The following NFIX variants were observed in gnomAD, a reference collection of about 807,000 sequenced individuals.
The protein encoded by NFIX is nuclear factor I X, also known as nuclear factor 1 X-type.
NFIX carries 2 observed loss-of-function variants against 53.3 expected under a neutral mutation model. The ratio of observed to expected loss-of-function variants is 0.04; its 90% confidence interval spans 0.02 to 0.12. NFIX has a LOEUF of 0.12. NFIX is among the 10% of genes least tolerant of loss of function. The pLI is 1.00. For missense variants in NFIX, 310 were observed against 674.5 expected (o/e 0.46, Z 5.99); for synonymous variants, 244 against 289.0 (o/e 0.84, Z 1.58).
At chr19:13,092,578 A>G (rs893821042) in intron 10 of NFIX, among the ~76,000 whole-genome samples, 1 of 152,146 alleles carries the variant, frequency 6.6e-6, no homozygotes, top group Non-Finnish European at 1.5e-5. Flanking sequence ...TCCCTGTCCT[A>G]TTGTCCACAA....
Position 13,028,210 on chromosome 19 carries a change from G to A in NFIX, c.559+2658G>A, listed in dbSNP as rs779823099. On this transcript the variant is annotated intron_variant, in intron 2 of 10. Transcript: ENST00000592199. This position sits in a 1 kb window ranked among gnomAD's most constrained non-coding sequence, Gnocchi z 4.2. ...CTTTCTCCATGCCCATGCCTGCCAGGCACACTCAGCAGAGCTGCCACTTGC... is the reference window on the plus strand; with the variant it reads ...CTTTCTCCATGCCCATGCCTGCCAGACACACTCAGCAGAGCTGCCACTTGC... Among the ~76,000 whole-genome samples, 47 of 152,248 alleles carry A rather than the reference G, an allele frequency of 3.1e-4. No homozygotes were observed. The highest frequency in any genetic ancestry group is 5.7e-4 in the Non-Finnish European group (39 of 68,048).
In NFIX at chr19:13,066,183, G is replaced by A. The variant is rs1368909883; in HGVS notation, c.560-6864G>A. On this transcript the variant is annotated intron_variant, in intron 2 of 10. Coordinates refer to ENST00000592199, the MANE Select transcript of NFIX (RefSeq NM_001365902.3). This position sits in a 1 kb window ranked among gnomAD's most constrained non-coding sequence, Gnocchi z 4.2. ...CCTCGCTTCCCGAAGCCTTACTGCCGAGCTGTGAGTCCTGTAGTAGCCAGG... is the reference window on the plus strand; with the variant it reads ...CCTCGCTTCCCGAAGCCTTACTGCCAAGCTGTGAGTCCTGTAGTAGCCAGG... Among the ~76,000 whole-genome samples the A allele has an allele frequency of 2.0e-5, 3 of 152,166 alleles. No homozygotes were observed. The highest frequency in any genetic ancestry group is 1.9e-4 in the East Asian group (1 of 5,200).
intron 2 of NFIX, among the ~76,000 whole-genome samples, chr19:13,039,888 G>C (rs1453903898): frequency 6.6e-6 from 1 of 152,124 alleles, no homozygotes. Context: ...GCCCATCCTT[G>C]AGATGATGTA....
At position 13,080,748 on chromosome 19, in the gene NFIX, C is replaced by T. The variant is rs139222910; in HGVS notation, c.1079-932C>T. ...GGGCGCGGTGTCTCACGCCTGTAAT[C>T]CCAGCACTTTGGGAGGCTGAGGTGG... On this transcript the variant is annotated intron_variant, in intron 7 of 10. Coordinates refer to ENST00000592199, the MANE Select transcript of NFIX (RefSeq NM_001365902.3). Among the ~76,000 whole-genome samples, 207 of 152,178 alleles carry T rather than the reference C, an allele frequency of 1.4e-3. 5 individuals are homozygous for T. Among genetic ancestry groups the T allele is most frequent in the Admixed American group, 0.013 (194 of 15,292 alleles).
chr19:13,063,721 TCTC>T (rs758524016), intron 2 of NFIX, among the ~76,000 whole-genome samples: 1 of 152,294 alleles, frequency 6.6e-6, no homozygotes, highest in Non-Finnish European at 1.5e-5. Flanking sequence ...CTTCCTGCCT[TCTC>T]GCATCCCTCC....
At chr19:13,065,196 C>T (rs979116001) in intron 2 of NFIX, among the ~76,000 whole-genome samples, 3 of 152,136 alleles carry the variant, frequency 2.0e-5, no homozygotes, top group Non-Finnish European at 4.4e-5. Flanking sequence ...TGTGTTGTAC[C>T]CCCTCAGTGG....
rs955023693 is a variant in NFIX, at chr19:13,011,026, C to T, written c.28-13995C>T. On this transcript the variant is annotated intron_variant, in intron 1 of 10. Coordinates refer to ENST00000592199, the MANE Select transcript of NFIX (RefSeq NM_001365902.3). This position sits in a 1 kb window ranked among gnomAD's most constrained non-coding sequence, Gnocchi z 6.5. Reference sequence around the variant, plus strand: ...TTTTATATGTAAGAACCGCTCCCCCCTCTTCCCGCTCCACGTTTGTACTTG... The same window carrying T: ...TTTTATATGTAAGAACCGCTCCCCCTTCTTCCCGCTCCACGTTTGTACTTG... Among the ~76,000 whole-genome samples, 1 of 152,220 alleles carries T rather than the reference C, an allele frequency of 6.6e-6. No homozygotes were observed. Among genetic ancestry groups the T allele is most frequent in the Non-Finnish European group, 1.5e-5 (1 of 68,036 alleles).
At chr19:13,004,022 G>A (rs191516214) in intron 1 of NFIX, among the ~76,000 whole-genome samples, 68 of 152,082 alleles carry the variant, frequency 4.5e-4, no homozygotes, top group Admixed American at 1.0e-3. Flanking sequence ...TGATCCTCCC[G>A]CCTCGGCCTC....
At position 13,028,821 on chromosome 19, in the gene NFIX, A is replaced by G. The variant is rs571589785; in HGVS notation, c.559+3269A>G. Among the ~76,000 whole-genome samples the G allele has an allele frequency of 6.6e-6, 1 of 152,270 alleles. No homozygotes were observed. Among genetic ancestry groups the G allele is most frequent in the South Asian group, 2.1e-4 (1 of 4,818 alleles). ...AGAGAGATCTCTGCTTGTGTGAGAA[A>G]GGATGGCCGAGCTGGCCTAGAACCG... is the stretch of plus-strand genomic sequence containing the variant. On this transcript the variant is annotated intron_variant, in intron 2 of 10. Coordinates refer to ENST00000592199, the MANE Select transcript of NFIX (RefSeq NM_001365902.3). This position sits in a 1 kb window ranked among gnomAD's most constrained non-coding sequence, Gnocchi z 4.2.
chr19:13,024,623 T>C, intron 1 of NFIX: 1 of 1,536,226 alleles, frequency 6.5e-7, no homozygotes. Flanking sequence ...AGTTCACGGC[T>C]GCGATAGAAC....
chr19:13,065,407 A>G (rs2016339182), intron 2 of NFIX, among the ~76,000 whole-genome samples: 1 of 152,158 alleles, frequency 6.6e-6, no homozygotes, highest in Non-Finnish European at 1.5e-5. Flanking sequence ...CACCCCAGAC[A>G]GTGCTGCTGC....
At chr19:13,057,462 C>G (rs1009425447) in intron 2 of NFIX, among the ~76,000 whole-genome samples, 5 of 152,202 alleles carry the variant, frequency 3.3e-5, no homozygotes, top group Admixed American at 3.3e-4. Flanking sequence ...GCGAGGAGCC[C>G]TACGAGCTGC....
rs941395040 is a variant in NFIX at position 13,067,844 on chromosome 19, G to A, written c.560-5203G>A. On this transcript the variant is annotated intron_variant, in intron 2 of 10. Transcript: ENST00000592199. This position sits in a 1 kb window ranked among gnomAD's most constrained non-coding sequence, Gnocchi z 4.2. ...CATGCATCCGGGCACGGTGGCTCAC[G>A]CCTGTAATCCCAGCACTTTGGGAGG... 2.0e-5 allele frequency among the ~76,000 whole-genome samples: 3 copies of A among 151,974 alleles called. No homozygotes were observed. The highest frequency in any genetic ancestry group is 4.4e-5 in the Non-Finnish European group (3 of 68,002).
intron 1 of NFIX, among the ~76,000 whole-genome samples, chr19:13,023,307 T>C (rs1212297112): frequency 6.7e-6 from 1 of 149,718 alleles, no homozygotes; most frequent in Non-Finnish European, 1.5e-5. Context: ...CCTCGATCTC[T>C]CCCTCCCCCC....
At position 13,094,652 on chromosome 19, in the gene NFIX, A is replaced by C; in HGVS notation, c.*3A>C. 6.5e-7 allele frequency: 1 copy of C among 1,536,200 alleles called. No individual in the cohort carries two copies. Among genetic ancestry groups the C allele is most frequent in the Non-Finnish European group, 8.7e-7 (1 of 1,146,830 alleles). On this transcript the variant is annotated 3_prime_UTR_variant, in exon 11 of 11. Transcript: ENST00000592199. The surrounding 1 kb of genome is among the most constrained non-coding windows in gnomAD (Gnocchi z 4.3). ...TGTTTCAGTCCTGGTTCCTCTGATA[A>C]GATCGACAAAAGAAACAACAAAATG...
At position 13,095,768 on chromosome 19, in the gene NFIX, G is replaced by C. The variant is rs1467750867; in HGVS notation, c.*1119G>C. 1 of 152,232 alleles carries C rather than the reference G, an allele frequency of 6.6e-6. No homozygotes were observed. Among genetic ancestry groups the C allele is most frequent in the Admixed American group, 6.5e-5 (1 of 15,290 alleles). The allele number at this position is 152,232 out of a possible 1,614,324, so 9.4% of individuals were successfully genotyped here. ...TCGCCGACTTTCAGTTCCTTGGGAG[G>C]GTGTTGGGTGTCGTCCTTTTCAAAA... On this transcript the variant is annotated 3_prime_UTR_variant, in exon 11 of 11. Transcript: ENST00000592199.
At chr19:13,050,369 C>T (rs2015253456) in intron 2 of NFIX, among the ~76,000 whole-genome samples, 1 of 152,238 alleles carries the variant, frequency 6.6e-6, no homozygotes, top group South Asian at 2.1e-4. Flanking sequence ...CTGGCTGTCA[C>T]CTCCTTGGTG....
intron 8 of NFIX, among the ~76,000 whole-genome samples, chr19:13,082,725 T>C (rs2017542994): frequency 6.6e-6 from 1 of 152,196 alleles, no homozygotes; most frequent in Non-Finnish European, 1.5e-5. Flanking sequence ...TCTAGACCTC[T>C]GGGAAAAATC....
chr19:12,999,736 G>C (rs1366080270), intron 1 of NFIX, among the ~76,000 whole-genome samples: 1 of 152,224 alleles, frequency 6.6e-6, no homozygotes, highest in Non-Finnish European at 1.5e-5. Context: ...TTCCATGGGA[G>C]GGGGATGGCT....
Sources: allele counts gnomAD v4.1 joint callset (sites outside exome capture counted in the v4.1 genomes callset), GRCh38; gene constraint gnomAD v4.1.1; non-coding constraint Gnocchi (gnomAD v3.1); transcripts MANE v1.5; gene names NCBI Gene and HGNC (gene_info 2026-07-23, HGNC 2026-07-21).